PALM2AKAP2: variants seen among roughly 807,000 people sequenced by gnomAD.
PALM2AKAP2 encodes PALM2 and AKAP2 fusion, also known as PALM2-AKAP2 fusion protein.
In PALM2AKAP2, 37 loss-of-function variants were observed where a neutral mutation model predicts 71.5. That is an observed-to-expected ratio of 0.52 (90% confidence interval 0.40 to 0.68). The LOEUF is 0.68. PALM2AKAP2 is among the 30% of genes least tolerant of loss of function. PALM2AKAP2 has a pLI of 0.00. For synonymous variants in PALM2AKAP2, 468 were observed against 478.8 expected, an observed-to-expected ratio of 0.98 and a Z score of 0.29; for missense variants, 1,224 against 1,191.8, an observed-to-expected ratio of 1.03 and a Z score of -0.40.
chr9:110,016,948 C>T (rs527460531), intron 7 of PALM2AKAP2, among the ~76,000 whole-genome samples: 6 of 152,136 alleles, frequency 3.9e-5, no homozygotes, highest in Middle Eastern at 3.4e-3. Context: ...GGTGCGATCT[C>T]GGCTCACTGC....
At chr9:109,872,154 A>G (rs1046673810) in intron 2 of PALM2AKAP2, among the ~76,000 whole-genome samples, 1 of 152,122 alleles carries the variant, frequency 6.6e-6, no homozygotes, top group Non-Finnish European at 1.5e-5. Flanking sequence ...TAGCTTTTTA[A>G]TATATTGTAA....
intron 1 of PALM2AKAP2, among the ~76,000 whole-genome samples, chr9:109,820,105 A>T (rs10816885): frequency 0.61 from 92,795 of 152,090 alleles, 29,793 homozygotes; most frequent in African/African-American, 0.82. Flanking sequence ...AAAAGGAACA[A>T]TGGTCTTTTC....
At chr9:109,746,354 C>T (rs1266922168) in intron 1 of PALM2AKAP2, among the ~76,000 whole-genome samples, 1 of 152,166 alleles carries the variant, frequency 6.6e-6, no homozygotes, top group Non-Finnish European at 1.5e-5. Flanking sequence ...TTTTAGAAAG[C>T]ATGGGGGAAT....
intron 5 of PALM2AKAP2, among the ~76,000 whole-genome samples, chr9:109,926,774 A>G (rs1348441044): frequency 2.6e-5 from 4 of 151,970 alleles, no homozygotes; most frequent in Admixed American, 6.6e-5. Flanking sequence ...CCTGTATGTC[A>G]TGTTCCTGAG....
chr9:109,864,171 T>G (rs112925510), intron 1 of PALM2AKAP2, among the ~76,000 whole-genome samples: 373 of 152,284 alleles, frequency 2.4e-3, no homozygotes, highest in Non-Finnish European at 4.5e-3. Flanking sequence ...GGGTCATCAG[T>G]TAGAATGCAG....
chr9:109,708,043 A>T (rs1471010299), intron 1 of PALM2AKAP2, among the ~76,000 whole-genome samples: 2 of 152,078 alleles, frequency 1.3e-5, no homozygotes, highest in Non-Finnish European at 2.9e-5. Context: ...TTTACAGAAC[A>T]AAAGGTCCCA....
chr9:109,841,515 T>TAAAA (rs369447070), intron 1 of PALM2AKAP2, among the ~76,000 whole-genome samples: 29 of 18,698 alleles, frequency 1.6e-3, no homozygotes, highest in East Asian at 4.8e-3. Context: ...TAAAGTATAA[T>TAAAA]AAAAAAAAAA....
At chr9:109,930,294 T>C (rs1831065278) in intron 5 of PALM2AKAP2, among the ~76,000 whole-genome samples, 1 of 152,058 alleles carries the variant, frequency 6.6e-6, no homozygotes, top group South Asian at 2.1e-4. Context: ...GGCACAATCT[T>C]GGCTCACTGC....
chr9:110,169,944 G>A (rs1836818020), exon 4 of PALM2AKAP2: 1 of 152,544 alleles, frequency 6.6e-6, no homozygotes, highest in African/African-American at 2.4e-5. Flanking sequence ...GGATATAAAG[G>A]CACCGAGCTG....
intron 6 of PALM2AKAP2, among the ~76,000 whole-genome samples, chr9:109,982,325 T>A (rs1832287879): frequency 6.6e-6 from 1 of 151,996 alleles, no homozygotes; most frequent in Non-Finnish European, 1.5e-5. Context: ...GAGGGGGAAG[T>A]GGGTATGGTT....
At chr9:109,842,702 G>T (rs1374899504) in intron 1 of PALM2AKAP2, among the ~76,000 whole-genome samples, 1 of 152,106 alleles carries the variant, frequency 6.6e-6, no homozygotes, top group African/African-American at 2.4e-5. Context: ...TATCTGACAA[G>T]AAGTCGGCCC....
chr9:109,890,817 A>C (rs991517447), intron 3 of PALM2AKAP2, among the ~76,000 whole-genome samples: 1 of 152,238 alleles, frequency 6.6e-6, no homozygotes, highest in Admixed American at 6.5e-5. Context: ...ACGCAGAGTG[A>C]GGAGATACCA....
chr9:109,697,549 G>A (rs1827989838), intron 1 of PALM2AKAP2, among the ~76,000 whole-genome samples: 1 of 152,088 alleles, frequency 6.6e-6, no homozygotes, highest in Non-Finnish European at 1.5e-5. Flanking sequence ...TCAGTGTTTT[G>A]AAACAAAGCA....
intron 1 of PALM2AKAP2, among the ~76,000 whole-genome samples, chr9:109,745,854 C>A (rs1359981124): frequency 6.6e-6 from 1 of 152,150 alleles, no homozygotes. Context: ...TAAATTCAGA[C>A]CCCAGAATAC....
chr9:109,756,438 A>G (rs535348403), intron 1 of PALM2AKAP2, among the ~76,000 whole-genome samples: 2 of 152,192 alleles, frequency 1.3e-5, no homozygotes, highest in African/African-American at 4.8e-5. Context: ...TGTTGTGGAT[A>G]TGTTTTCCTA....
At chr9:110,111,090 T>TG (rs1209177724) in intron 1 of PALM2AKAP2, among the ~76,000 whole-genome samples, 16 of 125,130 alleles carry the variant, frequency 1.3e-4, no homozygotes, top group Admixed American at 1.0e-3. Flanking sequence ...TTTCTTCTTT[T>TG]TTTTTTTTTT....
intron 1 of PALM2AKAP2, among the ~76,000 whole-genome samples, chr9:109,781,286 C>T (rs899042035): frequency 3.3e-5 from 5 of 152,218 alleles, no homozygotes; most frequent in African/African-American, 1.2e-4. Flanking sequence ...AATCTTAACA[C>T]AGTGTTGCCA....
At chr9:109,947,551 AC>A (rs1435829150) in intron 6 of PALM2AKAP2, among the ~76,000 whole-genome samples, 2 of 152,228 alleles carry the variant, frequency 1.3e-5, no homozygotes. Flanking sequence ...AAATCTAACT[AC>A]TATACCAGGT....
chr9:110,094,417 C>T (rs1263827425), intron 1 of PALM2AKAP2, among the ~76,000 whole-genome samples: 4 of 152,124 alleles, frequency 2.6e-5, no homozygotes, highest in Admixed American at 2.0e-4. Context: ...GAAGAAATAC[C>T]TGAAACTGGG....
Sources: allele counts gnomAD v4.1 joint callset (sites outside exome capture counted in the v4.1 genomes callset), GRCh38; gene constraint gnomAD v4.1.1; transcripts MANE v1.5; gene names NCBI Gene and HGNC (gene_info 2026-07-23, HGNC 2026-07-21).